Variants in CBL observed in about 807,000 individuals in gnomAD.
CBL encodes the protein Cbl proto-oncogene.
Under a neutral mutation model 96.9 loss-of-function variants are expected in CBL, and 45 were observed. That is an observed-to-expected ratio of 0.46 (90% confidence interval 0.37 to 0.60). CBL has a LOEUF of 0.60. Among genes scored for constraint, CBL ranks in the 20% least tolerant of loss-of-function variants. The pLI is 0.00. For missense variants in CBL, 1,024 were observed against 1,143.5 expected, an observed-to-expected ratio of 0.90 and a Z score of 1.51; for synonymous variants, 420 against 426.8, an observed-to-expected ratio of 0.98 and a Z score of 0.20.
rs1950140495 is a variant in CBL, at chr11:119,306,322, T to G, written c.*6541T>G. ...CAAAAGCCAACCTCAGATCTCCTGATTTGGCAGCTGAAGAAATCAGCAGAG... is the reference window on the plus strand; with the variant it reads ...CAAAAGCCAACCTCAGATCTCCTGAGTTGGCAGCTGAAGAAATCAGCAGAG... On this transcript the variant is annotated 3_prime_UTR_variant, in exon 16 of 16. Transcript: ENST00000264033. The G allele has an allele frequency of 2.5e-6, 1 of 398,686 alleles. No homozygotes were observed. The highest frequency in any genetic ancestry group is 4.4e-6 in the Non-Finnish European group (1 of 226,108). The allele number at this position is 398,686 out of a possible 1,614,324, so 24.7% of individuals were successfully genotyped here.
chr11:119,300,990 C>T lies in CBL; in HGVS notation c.*1209C>T. The T allele has an allele frequency of 4.3e-6, 1 of 235,044 alleles. No homozygotes were observed. Among genetic ancestry groups the T allele is most frequent in the Non-Finnish European group, 8.4e-6 (1 of 119,298 alleles). The allele number at this position is 235,044 out of a possible 1,614,324, so 14.6% of individuals were successfully genotyped here. The stretch of plus-strand genomic sequence containing the variant: ...CATGAGGAATATTAGGTTATATTTT[C>T]AGCAGTGGTTTTTTCCTTTGCCCTT... On this transcript the variant is annotated 3_prime_UTR_variant, in exon 16 of 16. Coordinates refer to ENST00000264033, the MANE Select transcript of CBL (RefSeq NM_005188.4).
rs566992521 is a variant in CBL, at chr11:119,307,129, T to G, written c.*7348T>G. 56 of 231,974 alleles carry G rather than the reference T, an allele frequency of 2.4e-4. No homozygotes were observed. The Admixed American group carries it at 2.7e-3, about 11-fold the overall frequency. 14.4% of individuals were successfully genotyped at this position (231,974 alleles called of 1,614,324 possible). On this transcript the variant is annotated 3_prime_UTR_variant, in exon 16 of 16. Transcript: ENST00000264033. ...GGAGAGGTGACATGCAGGTGCAGTG[T>G]GTCTGGAGTCCCTTTCCCCTGCTGT...
Position 119,217,332 on chromosome 11 carries a change from C to T in CBL, c.195+10720C>T, listed in dbSNP as rs192068563. Among the ~76,000 whole-genome samples, 295 of 152,292 alleles carry T rather than the reference C, an allele frequency of 1.9e-3. 1 individual carries two copies. Among genetic ancestry groups the T allele is most frequent in the Middle Eastern group, 0.01 (3 of 294 alleles). On this transcript the variant is annotated intron_variant, in intron 1 of 15. Coordinates refer to ENST00000264033, the MANE Select transcript of CBL (RefSeq NM_005188.4). ...TTCTCCATGTTGATCAGGTTGGTCT[C>T]GAACTGCTGACCTCAGGTGATCTGC...
intron 12 of CBL, among the ~76,000 whole-genome samples, chr11:119,292,632 C>T: frequency 6.6e-6 from 1 of 152,100 alleles, no homozygotes. Flanking sequence ...CCACGTTAGC[C>T]AGGGTGGTCT....
chr11:119,231,849 T>C (rs1443313044), intron 1 of CBL, among the ~76,000 whole-genome samples: 1 of 151,882 alleles, frequency 6.6e-6, no homozygotes, highest in Non-Finnish European at 1.5e-5. Flanking sequence ...GGCTCAGGGC[T>C]GTAATCCCAG....
intron 2 of CBL, among the ~76,000 whole-genome samples, chr11:119,249,151 G>A (rs1279096612): frequency 6.6e-6 from 1 of 152,198 alleles, no homozygotes; most frequent in African/African-American, 2.4e-5. Context: ...CATGTTCATA[G>A]CAGCAGTTTT....
At chr11:119,268,104 A>T (rs554783548) in intron 2 of CBL, among the ~76,000 whole-genome samples, 2 of 152,358 alleles carry the variant, frequency 1.3e-5, no homozygotes, top group South Asian at 4.1e-4. Flanking sequence ...GGTTAGATCC[A>T]GGTCAATGGA....
At position 119,292,695 on chromosome 11, in the gene CBL, C is replaced by G. The variant is rs1378677494; in HGVS notation, c.2037-4223C>G. ...TTGGCCTCCCAAAGTGCTGGGATTACAGGCGTGAGCCACTGCGCCCGGCCT... is the reference window on the plus strand; with the variant it reads ...TTGGCCTCCCAAAGTGCTGGGATTAGAGGCGTGAGCCACTGCGCCCGGCCT... On this transcript the variant is annotated intron_variant, in intron 12 of 15. Coordinates refer to ENST00000264033, the MANE Select transcript of CBL (RefSeq NM_005188.4). 2.0e-5 allele frequency among the ~76,000 whole-genome samples: 3 copies of G among 152,344 alleles called. No individual in the cohort carries two copies. In the East Asian group the frequency reaches 5.8e-4, roughly 29 times the overall value.
chr11:119,215,716 A>G (rs891028729), intron 1 of CBL, among the ~76,000 whole-genome samples: 5 of 150,554 alleles, frequency 3.3e-5, no homozygotes, highest in East Asian at 1.9e-4. Context: ...AATCCCAGCT[A>G]CTCGGGAGGC....
rs533393237 is a variant in CBL at position 119,209,322 on chromosome 11, T to A, written c.195+2710T>A. ...GATGTCCCACACATTTAATTCTTTT[T>A]AACAAAATTTCTGGGCCGGGCCCCG... is the stretch of plus-strand genomic sequence containing the variant. On this transcript the variant is annotated intron_variant, in intron 1 of 15. Transcript: ENST00000264033. Among the ~76,000 whole-genome samples, 117 of 152,278 alleles carry A rather than the reference T, an allele frequency of 7.7e-4. No individual in the cohort carries two copies. The Middle Eastern group carries it at 0.01, about 13-fold the overall frequency.
At chr11:119,244,360 T>C (rs1263795173) in intron 2 of CBL, among the ~76,000 whole-genome samples, 1 of 152,146 alleles carries the variant, frequency 6.6e-6, no homozygotes, top group Non-Finnish European at 1.5e-5. Flanking sequence ...TCTTAGAAAT[T>C]CTAATGTAAT....
At chr11:119,266,178 A>G (rs1949802512) in intron 2 of CBL, among the ~76,000 whole-genome samples, 1 of 152,094 alleles carries the variant, frequency 6.6e-6, no homozygotes, top group Admixed American at 6.5e-5. Context: ...TCTTTAATAG[A>G]AGGAGTTAAT....
chr11:119,260,333 T>C (rs541733606), intron 2 of CBL, among the ~76,000 whole-genome samples: 1 of 151,354 alleles, frequency 6.6e-6, no homozygotes, highest in Non-Finnish European at 1.5e-5. Flanking sequence ...AACCTCCACC[T>C]CCTGGGTTCA....
At chr11:119,227,841 C>T (rs371366330) in intron 1 of CBL, among the ~76,000 whole-genome samples, 87 of 152,304 alleles carry the variant, frequency 5.7e-4, no homozygotes, top group African/African-American at 1.7e-3. Flanking sequence ...TGAGCCACCG[C>T]GCCCCGCAAA....
At chr11:119,286,310 T>C (rs202103075) in intron 11 of CBL, among the ~76,000 whole-genome samples, 3 of 152,038 alleles carry the variant, frequency 2.0e-5, no homozygotes, top group East Asian at 3.9e-4. Flanking sequence ...AAAAAAAAAA[T>C]GTGTATATTC....
chr11:119,265,093 C>G (rs1472427796), intron 2 of CBL, among the ~76,000 whole-genome samples: 1 of 152,052 alleles, frequency 6.6e-6, no homozygotes, highest in African/African-American at 2.4e-5. Flanking sequence ...ATTGCCCAGG[C>G]TGGTCTCAAA....
In CBL at chr11:119,279,485, C is replaced by A. The variant is rs538720509; in HGVS notation, c.1431+772C>A. ...ATCTTTACCACCACTGCCCCCATGC[C>A]CCCCCCTAAAAAAAAAAATAGCTGG... On this transcript the variant is annotated intron_variant, in intron 9 of 15. Transcript: ENST00000264033. Among the ~76,000 whole-genome samples the A allele has an allele frequency of 2.6e-4, 32 of 125,136 alleles. 1 individual carries two copies. Among genetic ancestry groups the A allele is most frequent in the Non-Finnish European group, 4.9e-4 (31 of 62,990 alleles). 82.1% of individuals were successfully genotyped at this position (125,136 alleles called of 152,430 possible).
chr11:119,213,557 A>G (rs1949334911), intron 1 of CBL, among the ~76,000 whole-genome samples: 1 of 152,218 alleles, frequency 6.6e-6, no homozygotes, highest in African/African-American at 2.4e-5. Flanking sequence ...GTCTCCTGCA[A>G]TATCCAGTTA....
chr11:119,232,685 T>C lies in CBL; in HGVS notation c.433T>C (p.Ser145Pro). The change falls in exon 2 of 16, where the codon TCT (serine) becomes CCT (proline). Residue 145 changes from serine to proline, a missense_variant. By Grantham distance (74) the Ser-to-Pro change is moderately conservative (BLOSUM62 -1). This residue lies in a region of CBL where 192 missense variants were observed against 321.8 expected (regional missense o/e 0.60). Coordinates refer to ENST00000264033, the MANE Select transcript of CBL (RefSeq NM_005188.4). The part of the protein sequence containing the change: ...EGKERMYEEN[S>P]QPRRNLTKLS... ...AAAAGAAAGAATGTATGAGGAGAAT[T>C]CTCAGCCTAGGTAATGGAGAAATAC... is the stretch of plus-strand genomic sequence containing the variant. 2 of 1,613,224 alleles carry C rather than the reference T, an allele frequency of 1.2e-6. No individual in the cohort carries two copies. The highest frequency in any genetic ancestry group is 1.7e-6 in the Non-Finnish European group (2 of 1,179,738).
Sources: allele counts gnomAD v4.1 joint callset (sites outside exome capture counted in the v4.1 genomes callset), GRCh38; gene constraint gnomAD v4.1.1; regional missense constraint gnomAD v4.1.1; transcripts MANE v1.5; gene names NCBI Gene and HGNC (gene_info 2026-07-23, HGNC 2026-07-21).